Variants in TXNL4A observed in about 807,000 individuals in gnomAD.
TXNL4A encodes the protein thioredoxin-like protein 4A.
A neutral mutation model predicts 14.6 loss-of-function variants in TXNL4A; 17 were observed. That is an observed-to-expected ratio of 1.16 (90% CI 0.80 to 1.74). The LOEUF (loss-of-function observed/expected upper bound fraction) is 1.74. Among genes scored for constraint, TXNL4A ranks in the 40% most tolerant of loss-of-function variants. The probability of loss-of-function intolerance (pLI) is 0.00; values close to 1 mark genes in which losing one functional copy is unlikely to be tolerated. For synonymous variants in TXNL4A, 83 were observed against 70.6 expected (o/e 1.18, Z -0.88); for missense variants, 74 against 195.2 (o/e 0.38, Z 3.70).
intron 1 of TXNL4A, among the ~76,000 whole-genome samples, chr18:80,028,720 T>G (rs948635403): frequency 6.6e-6 from 1 of 152,206 alleles, no homozygotes; most frequent in Non-Finnish European, 1.5e-5. Context: ...GGTTGTCAAT[T>G]GGCAAAATAC....
intron 2 of TXNL4A, among the ~76,000 whole-genome samples, chr18:79,975,072 C>T (rs2051358648): frequency 1.3e-5 from 2 of 152,194 alleles, no homozygotes. Context: ...GCAGCATGCA[C>T]CAAGCTCCTT....
chr18:79,976,276 T>C (rs1335881348), intron 2 of TXNL4A, among the ~76,000 whole-genome samples: 1 of 152,242 alleles, frequency 6.6e-6, no homozygotes. Flanking sequence ...TCCTGGATTA[T>C]TTGGGCAAGT....
intron 2 of TXNL4A, among the ~76,000 whole-genome samples, chr18:79,976,321 T>C (rs1223741150): frequency 6.6e-6 from 1 of 152,174 alleles, no homozygotes; most frequent in African/African-American, 2.4e-5. Flanking sequence ...ACCAGAGCAT[T>C]TTCTCAGGCA....
At chr18:80,018,525 C>A (rs887846090) in intron 1 of TXNL4A, among the ~76,000 whole-genome samples, 5 of 151,876 alleles carry the variant, frequency 3.3e-5, no homozygotes, top group Non-Finnish European at 7.4e-5. Context: ...AAAAACCCTT[C>A]AAAAAATTAA....
At chr18:80,004,027 T>C (rs1350048760) in intron 1 of TXNL4A, among the ~76,000 whole-genome samples, 12 of 151,924 alleles carry the variant, frequency 7.9e-5, no homozygotes. Context: ...AGCCAGACCA[T>C]GTCAGATAGG....
chr18:80,028,983 G>A (rs955925255), intron 1 of TXNL4A, among the ~76,000 whole-genome samples: 1 of 152,130 alleles, frequency 6.6e-6, no homozygotes, highest in South Asian at 2.1e-4. Flanking sequence ...AGCAGCACCC[G>A]AGCCACCAGC....
chr18:80,021,999 T>A (rs1327971138), intron 1 of TXNL4A, among the ~76,000 whole-genome samples: 10 of 151,736 alleles, frequency 6.6e-5, no homozygotes, highest in Admixed American at 1.3e-4. Context: ...ATACCTTTTT[T>A]TTTTGCAATA....
intron 1 of TXNL4A, 104 bp downstream of exon 1, chr18:79,988,136 C>G: frequency 7.9e-7 from 1 of 1,272,914 alleles, no homozygotes; most frequent in Non-Finnish European, 1.0e-6. Flanking sequence ...AGCCGCGGCC[C>G]CTCCTCGGGG....
chr18:80,012,530 GGATGGTTTTAT>G (rs2051776717), intron 1 of TXNL4A, among the ~76,000 whole-genome samples: 2 of 152,260 alleles, frequency 1.3e-5, no homozygotes, highest in South Asian at 4.1e-4. Flanking sequence ...TTCCCTGAAG[GGATGGTTTTAT>G]GTTGTGGTTC....
At chr18:80,015,072 G>C (rs1391611300) in intron 1 of TXNL4A, among the ~76,000 whole-genome samples, 1 of 152,198 alleles carries the variant, frequency 6.6e-6, no homozygotes, top group Non-Finnish European at 1.5e-5. Context: ...CACAGCAAGG[G>C]GACCCTGGGC....
intron 2 of TXNL4A, among the ~76,000 whole-genome samples, chr18:79,975,314 T>G (rs1056168599): frequency 6.6e-6 from 1 of 152,212 alleles, no homozygotes; most frequent in African/African-American, 2.4e-5. Context: ...GCTCAAGATA[T>G]ATGTTTGGTG....
At chr18:80,017,258 T>G (rs1395290588) in intron 1 of TXNL4A, among the ~76,000 whole-genome samples, 2 of 152,212 alleles carry the variant, frequency 1.3e-5, no homozygotes, top group Non-Finnish European at 2.9e-5. Flanking sequence ...TAAGGAGATT[T>G]TGGGCTGAGA....
chr18:79,991,314 TA>T (rs2051627364), upstream of TXNL4A, among the ~76,000 whole-genome samples: 1 of 152,008 alleles, frequency 6.6e-6, no homozygotes. Flanking sequence ...TGGCAATCAC[TA>T]ATCTATTTTC....
At chr18:80,013,159 C>T (rs1048027203) in intron 1 of TXNL4A, among the ~76,000 whole-genome samples, 1 of 147,274 alleles carries the variant, frequency 6.8e-6, no homozygotes, top group Admixed American at 6.8e-5. Flanking sequence ...CTGGCTCTGT[C>T]CCCCAGGCTG....
intron 1 of TXNL4A, among the ~76,000 whole-genome samples, chr18:80,033,288 C>A (rs1281910513): frequency 1.3e-5 from 1 of 75,586 alleles, no homozygotes; most frequent in Non-Finnish European, 3.0e-5. Flanking sequence ...CACATCCACA[C>A]GCGCCCACAC....
Position 79,973,726 on chromosome 18 carries a change from C to T in TXNL4A, c.388G>A (p.Val130Met), listed in dbSNP as rs2145047808. The T allele has an allele frequency of 6.2e-7, 1 of 1,614,192 alleles. No homozygotes were observed. The highest frequency in any genetic ancestry group is 1.6e-4 in the Middle Eastern group (1 of 6,062). The change falls in exon 3 of 3, where the codon GTG (valine) becomes ATG (methionine). Residue 130 changes from valine (V) to methionine (M), a missense_variant. Coordinates refer to ENST00000269601, the MANE Select transcript of TXNL4A (RefSeq NM_006701.5). The stretch of plus-strand genomic sequence containing the variant: ...GTGGAGTAGTCCTTGGGGGACACCA[C>T]CAGGCCGCGGCCTTTGCGGGCCCCG... The part of the protein sequence containing the change: ...YRGARKGRGL[V>M]VSPKDYSTKY...
At chr18:80,030,652 A>G (rs1321767506) in intron 1 of TXNL4A, 1 of 152,188 alleles carries the variant, frequency 6.6e-6, no homozygotes. Flanking sequence ...ACAAAAGACA[A>G]TATATATAGT....
At chr18:79,974,393 T>G (rs1228974645) in intron 2 of TXNL4A, among the ~76,000 whole-genome samples, 1 of 152,268 alleles carries the variant, frequency 6.6e-6, no homozygotes, top group Non-Finnish European at 1.5e-5. Context: ...TAGATAATTC[T>G]TTACTTATCT....
rs1204129113 is a variant in TXNL4A at position 80,005,826 on chromosome 18, A to G, written c.-61+28025T>C. On this transcript the variant is annotated intron_variant, in intron 1 of 2. Coordinates refer to the TXNL4A transcript ENST00000585474. Reference sequence around the variant, plus strand: ...CTACTTGGGAGGCTGAGGCAGGAGAATTGCTTGAACCGCGAGGCAGAGGTT... The same window carrying G: ...CTACTTGGGAGGCTGAGGCAGGAGAGTTGCTTGAACCGCGAGGCAGAGGTT... Among the ~76,000 whole-genome samples, 4 of 152,214 alleles carry G rather than the reference A, an allele frequency of 2.6e-5. 1 individual carries two copies. In the East Asian group the frequency reaches 7.7e-4, roughly 29 times the overall value.
Sources: gnomAD v4.1 joint callset for allele counts (sites outside exome capture counted in the v4.1 genomes callset) on GRCh38, gnomAD v4.1.1 for gene constraint, MANE v1.5 for transcripts, NCBI Gene and HGNC (gene_info 2026-07-23, HGNC 2026-07-21) for gene names.